CFAP20DC: variants seen among roughly 807,000 people sequenced by gnomAD.
CFAP20DC encodes protein CFAP20DC.
Under a neutral mutation model 101.7 loss-of-function variants are expected in CFAP20DC, and 84 were observed. The ratio of observed to expected loss-of-function variants is 0.83; its 90% CI spans 0.69 to 0.99. The LOEUF (loss-of-function observed/expected upper bound fraction) is 0.99, where lower values mean the gene tolerates loss of function less well. Among genes scored for constraint, CFAP20DC ranks in the 50% least tolerant of loss-of-function variants. CFAP20DC has a pLI of 0.00. For synonymous variants in CFAP20DC, 359 were observed against 351.2 expected, an observed-to-expected ratio of 1.02 and a Z score of -0.25; for missense variants, 1,007 against 970.3, an observed-to-expected ratio of 1.04 and a Z score of -0.50.
Position 58,788,711 on chromosome 3 carries a change from A to G in CFAP20DC, c.2237+17684T>C, listed in dbSNP as rs1251003689. Among the ~76,000 whole-genome samples the G allele has an allele frequency of 6.6e-6, 1 of 152,130 alleles. No homozygotes were observed. The highest frequency in any genetic ancestry group is 2.4e-5 in the African/African-American group (1 of 41,438). ...CTAGTATATAAATTGCACAGTTTTT[A>G]ATCTCAGCTTAAACTTCCTTTTAGC... On this transcript the variant is annotated intron_variant, in intron 15 of 16. Transcript: ENST00000482387. The surrounding 1 kb of genome is among the most constrained non-coding windows in gnomAD (Gnocchi z 4.2).
At chr3:58,720,647 A>G (rs1211986260) in intron 3 of CFAP20DC, among the ~76,000 whole-genome samples, 4 of 152,176 alleles carry the variant, frequency 2.6e-5, no homozygotes, top group Non-Finnish European at 4.4e-5. Context: ...ATCTTCTTGG[A>G]GGCATTCCCA....
intron 15 of CFAP20DC, among the ~76,000 whole-genome samples, chr3:58,765,507 A>AAAAAAAAAAAAAAAAAAAAAAAAC (rs1553651634): frequency 6.8e-6 from 1 of 146,586 alleles, no homozygotes; most frequent in African/African-American, 2.5e-5. Context: ...AAAAAAAAAA[A>AAAAAAAAAAAAAAAAAAAAAAAAC]CAAACAGAAA....
intron 4 of CFAP20DC, among the ~76,000 whole-genome samples, chr3:59,010,161 T>C (rs1559985458): frequency 6.6e-6 from 1 of 151,844 alleles, no homozygotes; most frequent in Non-Finnish European, 1.5e-5. Flanking sequence ...AAAAACAAGG[T>C]CTTTAGGCAA....
At chr3:58,848,926 T>A in intron 13 of CFAP20DC, 106 bp downstream of exon 13, 1 of 1,329,826 alleles carries the variant, frequency 7.5e-7, no homozygotes, top group Non-Finnish European at 1.0e-6. Context: ...ACAACACTCA[T>A]CACCCAAATG....
intron 4 of CFAP20DC, among the ~76,000 whole-genome samples, chr3:59,004,549 G>C (rs552106618): frequency 2.8e-4 from 42 of 152,194 alleles, no homozygotes; most frequent in Non-Finnish European, 5.3e-4. Flanking sequence ...TTCCAAATCT[G>C]ACTCTTGGAT....
At chr3:58,876,638 G>A (rs1392021518) in intron 7 of CFAP20DC, among the ~76,000 whole-genome samples, 2 of 151,820 alleles carry the variant, frequency 1.3e-5, no homozygotes. Flanking sequence ...AAAACCTGAG[G>A]GTCTACTCTC....
intron 14 of CFAP20DC, 81 bp from the exon 15 acceptor site, chr3:58,806,537 T>C (rs2074071685): frequency 9.8e-7 from 1 of 1,024,518 alleles, no homozygotes; most frequent in South Asian, 1.3e-5. Context: ...CTCATTACTG[T>C]AACTGTTTCC....
chr3:58,905,572 C>T (rs573377834), intron 6 of CFAP20DC, among the ~76,000 whole-genome samples: 1 of 152,310 alleles, frequency 6.6e-6, no homozygotes, highest in East Asian at 1.9e-4. Context: ...TTATATCCCA[C>T]TGTGTAAAGA....
chr3:58,854,834 T>C (rs1247807145), intron 12 of CFAP20DC, among the ~76,000 whole-genome samples: 2 of 145,356 alleles, frequency 1.4e-5, no homozygotes, highest in Non-Finnish European at 3.0e-5. Context: ...CAAAAATCAA[T>C]TCAAGATGGA....
intron 3 of CFAP20DC, among the ~76,000 whole-genome samples, chr3:59,045,137 C>T (rs904939772): frequency 9.2e-5 from 14 of 151,886 alleles, no homozygotes; most frequent in African/African-American, 3.4e-4. Context: ...GAAACACTGG[C>T]AAACCACTTT....
intron 4 of CFAP20DC, among the ~76,000 whole-genome samples, chr3:58,955,948 G>A (rs887428556): frequency 1.3e-5 from 2 of 151,358 alleles, no homozygotes; most frequent in Non-Finnish European, 2.9e-5. Flanking sequence ...GGGCCAGAAG[G>A]GAACCCACTG....
At chr3:58,975,193 T>C (rs2092205031) in intron 4 of CFAP20DC, among the ~76,000 whole-genome samples, 1 of 152,204 alleles carries the variant, frequency 6.6e-6, no homozygotes, top group Admixed American at 6.5e-5. Context: ...AGTTCTTCAT[T>C]CTTCTTCAGA....
intron 15 of CFAP20DC, among the ~76,000 whole-genome samples, chr3:58,760,257 G>A (rs1247417648): frequency 6.6e-6 from 1 of 152,112 alleles, no homozygotes; most frequent in Non-Finnish European, 1.5e-5. Flanking sequence ...CACATCCCTT[G>A]TAAGTTGGAT....
chr3:58,752,002 T>C (rs776964690), intron 16 of CFAP20DC, among the ~76,000 whole-genome samples: 1 of 152,076 alleles, frequency 6.6e-6, no homozygotes, highest in Non-Finnish European at 1.5e-5. Context: ...ATACTTCCCT[T>C]CCCCTTCTGA....
rs371315166 is a variant in CFAP20DC, at chr3:58,750,890, C to A, written c.2332+2879G>T. Among the ~76,000 whole-genome samples the A allele has an allele frequency of 2.6e-5, 4 of 152,312 alleles. No homozygotes were observed. The East Asian group carries it at 7.7e-4, about 29-fold the overall frequency. ...AGCCACGGCATAAGGTGATCTATAA[C>A]TCTTTAACTGCCAAAATATATGGGT... On this transcript the variant is annotated intron_variant, in intron 16 of 16. Transcript: ENST00000482387.
chr3:58,893,748 G>A (rs1293310854), intron 6 of CFAP20DC, among the ~76,000 whole-genome samples: 1 of 151,620 alleles, frequency 6.6e-6, no homozygotes, highest in East Asian at 1.9e-4. Context: ...GAATCCAGGT[G>A]TGAATCCATC....
intron 6 of CFAP20DC, among the ~76,000 whole-genome samples, chr3:58,891,397 GA>G (rs1350641758): frequency 1.8e-4 from 28 of 151,406 alleles, no homozygotes; most frequent in Middle Eastern, 3.4e-3. Context: ...ATGAGAGGGA[GA>G]CCGTGGAAAG....
intron 5 of CFAP20DC, among the ~76,000 whole-genome samples, chr3:58,915,344 G>A (rs773392955): frequency 1.4e-4 from 22 of 152,138 alleles, no homozygotes; most frequent in Non-Finnish European, 3.1e-4. Context: ...GCAGGTTATA[G>A]GGGATGGAAG....
chr3:58,793,309 T>C (rs1184157187), intron 15 of CFAP20DC, among the ~76,000 whole-genome samples: 1 of 152,190 alleles, frequency 6.6e-6, no homozygotes, highest in Non-Finnish European at 1.5e-5. Context: ...AATATCTTCA[T>C]TTACTGTATG....
Sources: gnomAD v4.1 joint callset for allele counts (sites outside exome capture counted in the v4.1 genomes callset) on GRCh38, gnomAD v4.1.1 for gene constraint, Gnocchi (gnomAD v3.1) non-coding constraint, MANE v1.5 for transcripts, NCBI Gene and HGNC (gene_info 2026-07-23, HGNC 2026-07-21) for gene names.